Variants in ADCY5 observed in about 807,000 individuals in gnomAD.
ADCY5 encodes the protein adenylate cyclase 5.
A neutral mutation model predicts 119.7 loss-of-function variants in ADCY5; 30 were observed. The observed-to-expected ratio is 0.25, with a 90% CI of 0.19 to 0.34. The LOEUF (loss-of-function observed/expected upper bound fraction) is 0.34. ADCY5 is among the 10% of genes least tolerant of loss of function. The pLI is 1.00. For missense variants in ADCY5, 1,324 were observed against 1,775.2 expected (o/e 0.75, Z 4.57); for synonymous variants, 753 against 762.2 (o/e 0.99, Z 0.20).
Position 123,325,603 on chromosome 3 carries a change from C to T in ADCY5, c.1948-141G>A, listed in dbSNP as rs142973097. 2.6e-3 allele frequency: 2,863 copies of T among 1,115,446 alleles called. 8 individuals are homozygous for T. The highest frequency in any genetic ancestry group is 3.2e-3 in the Admixed American group (140 of 43,970). 69.1% of individuals were successfully genotyped at this position (1,115,446 alleles called of 1,614,324 possible). ...TCTGCACAGCCCTGGAGCCAGAGCT[C>T]GGCCCAGATCCTGGAACTCCCCAGG... On this transcript the variant is annotated intron_variant, in intron 7 of 20. Coordinates refer to ENST00000462833, the MANE Select transcript of ADCY5 (RefSeq NM_183357.3).
In ADCY5 at chr3:123,303,096, C is replaced by T. The variant is rs1939938485; in HGVS notation, c.2683G>A (p.Gly895Ser). ...TTGGGCCAGGGGCTGCCACAGAAGC[C>T]CTGCTCATCGCCCAGGCTGTAGTTG... ...AVNYSLGDEQ[G>S]FCGSPWPNCN... is the part of the protein sequence containing the mutation. The change falls in exon 14 of 21, where the codon GGC (glycine) becomes AGC (serine). Residue 895 changes from glycine (G) to serine (S), a missense_variant. Gly to Ser is a moderately conservative substitution (Grantham distance 56). Transcript: ENST00000462833. The T allele has an allele frequency of 2.5e-6, 4 of 1,613,746 alleles. No individual in the cohort carries two copies. The highest frequency in any genetic ancestry group is 3.4e-6 in the Non-Finnish European group (4 of 1,180,042).
chr3:123,304,903 C>T (rs2108274031), intron 12 of ADCY5, among the ~76,000 whole-genome samples: 1 of 152,268 alleles, frequency 6.6e-6, no homozygotes, highest in South Asian at 2.1e-4. Context: ...ATGTCCCCCT[C>T]ATCTCCCATG....
intron 1 of ADCY5, among the ~76,000 whole-genome samples, chr3:123,360,906 C>T (rs2107501308): frequency 6.6e-6 from 1 of 152,280 alleles, no homozygotes; most frequent in African/African-American, 2.4e-5. Flanking sequence ...AGCATCATCC[C>T]CCTCTGCCAA....
intron 1 of ADCY5, among the ~76,000 whole-genome samples, chr3:123,414,881 C>T (rs1357416451): frequency 6.6e-6 from 1 of 152,192 alleles, no homozygotes; most frequent in Admixed American, 6.5e-5. Context: ...TTTAAAGCAA[C>T]CCTCTGGAGG....
chr3:123,330,886 T>TA lies in ADCY5; in HGVS notation c.1646+2dup. On this transcript the variant is annotated splice_region_variant and intron_variant, in intron 5 of 20. Transcript: ENST00000462833. Reference sequence around the variant, plus strand: ...AGACGGTACCCGGGGGGTGGACACTTACGAGATGGCCTCGATCATGTCCAT... The same window carrying TA: ...AGACGGTACCCGGGGGGTGGACACTTAACGAGATGGCCTCGATCATGTCCAT... The TA allele has an allele frequency of 6.2e-7, 1 of 1,609,230 alleles. No homozygotes were observed. Among genetic ancestry groups the TA allele is most frequent in the Non-Finnish European group, 8.5e-7 (1 of 1,177,660 alleles).
chr3:123,436,241 T>C (rs1945613967), intron 1 of ADCY5, among the ~76,000 whole-genome samples: 1 of 151,804 alleles, frequency 6.6e-6, no homozygotes, highest in Admixed American at 6.6e-5. Flanking sequence ...GGCATGGTGT[T>C]GTGCACCTGT....
chr3:123,364,386 A>G (rs1943360206), intron 1 of ADCY5, among the ~76,000 whole-genome samples: 1 of 152,244 alleles, frequency 6.6e-6, no homozygotes, highest in African/African-American at 2.4e-5. Context: ...AAAAGGAATC[A>G]TGTCTGGGCA....
At position 123,447,635 on chromosome 3, in the gene ADCY5, G is replaced by C. The variant is rs777588020; in HGVS notation, c.911C>G (p.Ala304Gly). ...HQDHMGLACY[A>G]LIAVVLAVQV... is the part of the protein sequence containing the mutation. ...GACGGCCAGCACCACGGCGATGAGC[G>C]CATAGCAGGCCAGGCCCATGTGGTC... The change falls in exon 1 of 21, where the codon GCG becomes GGG. Residue 304 changes from alanine to glycine, a missense_variant. By Grantham distance (60) the Ala-to-Gly change is moderately conservative (BLOSUM62 0). Coordinates refer to ENST00000462833, the MANE Select transcript of ADCY5 (RefSeq NM_183357.3). 1.2e-6 allele frequency: 2 copies of C among 1,607,926 alleles called. No individual in the cohort carries two copies. The highest frequency in any genetic ancestry group is 1.1e-5 in the South Asian group (1 of 90,442).
chr3:123,388,740 G>C (rs1203495819), intron 1 of ADCY5, among the ~76,000 whole-genome samples: 1 of 152,194 alleles, frequency 6.6e-6, no homozygotes. Context: ...GCCAGAGCAA[G>C]CAGTGCCAGG....
In ADCY5 at chr3:123,389,672, G is replaced by C. The variant is rs558385670; in HGVS notation, c.1135-37091C>G. On this transcript the variant is annotated intron_variant, in intron 1 of 20. Coordinates refer to ENST00000462833, the MANE Select transcript of ADCY5 (RefSeq NM_183357.3). ...GAGGCATGTGACAAGCAGATGAGAGGGACACTAACCCTGAGGTTAGAAAAA... is the reference window on the plus strand; with the variant it reads ...GAGGCATGTGACAAGCAGATGAGAGCGACACTAACCCTGAGGTTAGAAAAA... Among the ~76,000 whole-genome samples the C allele has an allele frequency of 3.9e-5, 6 of 152,092 alleles. No homozygotes were observed. In the South Asian group the frequency reaches 1.2e-3, roughly 32 times the overall value.
intron 14 of ADCY5, 141 bp from the exon 15 acceptor site, chr3:123,300,436 GTGA>G: frequency 1.0e-6 from 1 of 968,684 alleles, no homozygotes; most frequent in East Asian, 2.6e-5. Flanking sequence ...CCCAACAGGT[GTGA>G]TATAAAGTGA....
chr3:123,338,889 T>C (rs191320710), intron 3 of ADCY5, among the ~76,000 whole-genome samples: 1 of 149,362 alleles, frequency 6.7e-6, no homozygotes, highest in African/African-American at 2.6e-5. Flanking sequence ...TGTCAGAGCC[T>C]GGCCCTGCTC....
chr3:123,368,153 A>C, intron 1 of ADCY5: 1 of 860,426 alleles, frequency 1.2e-6, no homozygotes. Flanking sequence ...ACCTACAGGA[A>C]TCTGAATGCG....
In ADCY5 at chr3:123,352,302, G is replaced by A. The variant is rs765912411; in HGVS notation, c.1284+130C>T. ...TCTCCAGGGGAAACATTCCCCATGG[G>A]TTGGTCCCCTCCCGGGGAGTGGGGC... On this transcript the variant is annotated intron_variant, in intron 2 of 20. Transcript: ENST00000462833. This position sits in a 1 kb window ranked among gnomAD's most constrained non-coding sequence, Gnocchi z 4.8. 5.0e-5 allele frequency: 58 copies of A among 1,153,220 alleles called. No homozygotes were observed. The highest frequency in any genetic ancestry group is 6.6e-5 in the Non-Finnish European group (56 of 845,618). 71.4% of individuals were successfully genotyped at this position (1,153,220 alleles called of 1,614,324 possible).
intron 1 of ADCY5, among the ~76,000 whole-genome samples, chr3:123,366,444 A>G (rs1576628528): frequency 6.6e-6 from 1 of 152,170 alleles, no homozygotes; most frequent in African/African-American, 2.4e-5. Flanking sequence ...CAGATGGTAC[A>G]CCCAGCACAG....
chr3:123,341,723 C>T (rs1362160526), intron 3 of ADCY5, among the ~76,000 whole-genome samples: 2 of 151,794 alleles, frequency 1.3e-5, no homozygotes, highest in African/African-American at 2.4e-5. Flanking sequence ...CCAACAGGGC[C>T]CCCTGGGCTG....
At chr3:123,318,217 T>C (rs1576565147) in intron 10 of ADCY5, 100 bp from the exon 11 acceptor site, 2 of 860,988 alleles carry the variant, frequency 2.3e-6, no homozygotes, top group Non-Finnish European at 3.8e-6. Flanking sequence ...TCATGGCTGG[T>C]CACCTGTGCA....
At chr3:123,375,803 C>T (rs543751607) in intron 1 of ADCY5, among the ~76,000 whole-genome samples, 19 of 152,226 alleles carry the variant, frequency 1.2e-4, no homozygotes, top group African/African-American at 3.6e-4. Flanking sequence ...AGAGTGACCA[C>T]GAGGGCCTCA....
At position 123,447,596 on chromosome 3, in the gene ADCY5, A is replaced by G. The variant is rs1403348266; in HGVS notation, c.950T>C (p.Leu317Pro). 3 of 1,607,776 alleles carry G rather than the reference A, an allele frequency of 1.9e-6. No homozygotes were observed. The highest frequency in any genetic ancestry group is 1.7e-6 in the Non-Finnish European group (2 of 1,179,072). Residue 317 changes from leucine (L) to proline (P), a missense_variant, in exon 1 of 21, where the codon CTG (leucine) becomes CCG (proline). By Grantham distance (98) the Leu-to-Pro change is moderately conservative. This residue lies in a region of ADCY5 where 585 missense variants were observed against 569.9 expected (regional missense o/e 1.03). Coordinates refer to ENST00000462833, the MANE Select transcript of ADCY5 (RefSeq NM_183357.3). ...AVVLAVQVVGLLLPQPRSASE... is the reference protein window; with the variant it reads ...AVVLAVQVVGPLLPQPRSASE... ...GGCGCTGCGTGGCTGCGGCAGCAGC[A>G]GGCCCACCACCTGGACGGCCAGCAC...
Sources: gnomAD v4.1 joint callset for allele counts (sites outside exome capture counted in the v4.1 genomes callset) on GRCh38, gnomAD v4.1.1 for gene constraint, gnomAD v4.1.1 regional missense constraint, Gnocchi (gnomAD v3.1) non-coding constraint, MANE v1.5 for transcripts, NCBI Gene and HGNC (gene_info 2026-07-23, HGNC 2026-07-21) for gene names.